CARNMT1: variants seen among roughly 807,000 people sequenced by gnomAD.
CARNMT1 encodes protein-L-histidine N-pros-methyltransferase CARNMT1.
Under a neutral mutation model 49.6 loss-of-function variants are expected in CARNMT1, and 28 were observed. The ratio of observed to expected loss-of-function variants is 0.56; its 90% confidence interval spans 0.42 to 0.77. CARNMT1 has a LOEUF of 0.77. Ranked by LOEUF, CARNMT1 falls within the 30% of genes least tolerant of loss-of-function variation. The pLI is 0.00. For missense variants in CARNMT1, 421 were observed against 512.6 expected (o/e 0.82, Z 1.73); for synonymous variants, 178 against 175.0 (o/e 1.02, Z -0.13).
chr9:75,014,739 C>T (rs918532413), intron 3 of CARNMT1, among the ~76,000 whole-genome samples: 17 of 151,998 alleles, frequency 1.1e-4, no homozygotes, highest in Admixed American at 9.2e-4. Context: ...CCCAGCTACT[C>T]GGGAGGCTGA....
chr9:75,024,262 G>T (rs1822458290), intron 1 of CARNMT1, among the ~76,000 whole-genome samples: 1 of 152,122 alleles, frequency 6.6e-6, no homozygotes, highest in Non-Finnish European at 1.5e-5. Context: ...CATTAAATTT[G>T]TGTTACTAGT....
intron 3 of CARNMT1, among the ~76,000 whole-genome samples, chr9:75,006,355 T>C (rs780339666): frequency 2.1e-5 from 3 of 142,610 alleles, no homozygotes; most frequent in Non-Finnish European, 4.5e-5. Flanking sequence ...GCTGGCCTAA[T>C]GCCCCTTTTC....
At chr9:74,984,118 G>A (rs112830265) in intron 7 of CARNMT1, among the ~76,000 whole-genome samples, 24 of 152,238 alleles carry the variant, frequency 1.6e-4, no homozygotes, top group African/African-American at 5.5e-4. Flanking sequence ...ATAATATGTT[G>A]CTTCTCGTCA....
intron 1 of CARNMT1, among the ~76,000 whole-genome samples, chr9:75,020,310 C>G (rs1822309280): frequency 7.2e-6 from 1 of 138,868 alleles, no homozygotes. Context: ...CTCTGTTGCC[C>G]AGGCTGGAAT....
intron 1 of CARNMT1, among the ~76,000 whole-genome samples, chr9:75,019,073 G>C (rs1406764579): frequency 6.6e-6 from 1 of 151,612 alleles, no homozygotes; most frequent in Non-Finnish European, 1.5e-5. Flanking sequence ...TTACAGTATA[G>C]TTATACAGTG....
intron 3 of CARNMT1, among the ~76,000 whole-genome samples, chr9:75,000,442 CATG>C (rs1833320950): frequency 6.6e-6 from 1 of 152,094 alleles, no homozygotes; most frequent in Admixed American, 6.6e-5. Flanking sequence ...ATTAAACATA[CATG>C]ATAACAAATA....
chr9:75,020,564 C>G lies in CARNMT1; in HGVS notation c.231-3116G>C, dbSNP rs147388790. Among the ~76,000 whole-genome samples, 466 of 152,242 alleles carry G rather than the reference C, an allele frequency of 3.1e-3. 2 individuals carry two copies. The highest frequency in any genetic ancestry group is 0.011 in the African/African-American group (441 of 41,548). On this transcript the variant is annotated intron_variant, in intron 1 of 7. Transcript: ENST00000376834. ...TATAGGCGTGAGCCACCGCACCCAGCCTTCATTTTCATTTTCAATTTCACT... is the reference window on the plus strand; with the variant it reads ...TATAGGCGTGAGCCACCGCACCCAGGCTTCATTTTCATTTTCAATTTCACT...
Position 74,981,329 on chromosome 9 carries a change from C to T in CARNMT1, c.*2438G>A, listed in dbSNP as rs1282656582. On this transcript the variant is annotated 3_prime_UTR_variant, in exon 8 of 8. Transcript: ENST00000376834. ...AAAACATAAGCACAGTGGACTATCT[C>T]CTCCCATTTCATAAAGTAAATGAAA... 1 of 152,108 alleles carries T rather than the reference C, an allele frequency of 6.6e-6. No homozygotes were observed. The highest frequency in any genetic ancestry group is 1.5e-5 in the Non-Finnish European group (1 of 67,990). The allele number at this position is 152,108 out of a possible 1,614,324, so 9.4% of individuals were successfully genotyped here.
At position 75,028,168 on chromosome 9, in the gene CARNMT1, C is replaced by T; in HGVS notation, c.74G>A (p.Ser25Asn). The change falls in exon 1 of 8, where the codon AGC (serine) becomes AAC (asparagine). Residue 25 changes from serine (S) to asparagine (N), a missense_variant. Physicochemically the swap from Ser to Asn is conservative, Grantham distance 46 (BLOSUM62 1). Transcript: ENST00000376834. ...PEGCGGGGGG[S>N]EEVEVQFSAG... Reference sequence around the variant, plus strand: ...GGAAAACTGCACTTCCACCTCCTCGCTGCCACCGCCTCCTCCCCCGCAGCC... The same window carrying T: ...GGAAAACTGCACTTCCACCTCCTCGTTGCCACCGCCTCCTCCCCCGCAGCC... The T allele has an allele frequency of 1.3e-6, 2 of 1,524,320 alleles. No individual in the cohort carries two copies. The highest frequency in any genetic ancestry group is 2.8e-5 in the East Asian group (1 of 35,946). The allele number at this position is 1,524,320 out of a possible 1,614,324, so 94.4% of individuals were successfully genotyped here.
intron 7 of CARNMT1, 122 bp downstream of exon 7, chr9:74,984,785 T>C (rs1028785893): frequency 1.5e-6 from 1 of 653,738 alleles, no homozygotes; most frequent in East Asian, 2.7e-5. Flanking sequence ...TCAACCTGTA[T>C]TATCTTCCCT....
chr9:75,021,741 G>A (rs1436675679), intron 1 of CARNMT1, among the ~76,000 whole-genome samples: 3 of 151,854 alleles, frequency 2.0e-5, no homozygotes, highest in Non-Finnish European at 4.4e-5. Context: ...AACCGGCCTG[G>A]GCAATATAGC....
At chr9:75,017,218 TAAAATAAACAGA>T in intron 2 of CARNMT1, 23 bp downstream of exon 2, 1 of 1,554,038 alleles carries the variant, frequency 6.4e-7, no homozygotes, top group Non-Finnish European at 8.9e-7. Context: ...AGGTTGACCC[TAAAATAAACAGA>T]AATAGAACAA....
chr9:75,016,693 T>C (rs1182065104), intron 2 of CARNMT1: 1 of 388,388 alleles, frequency 2.6e-6, no homozygotes, highest in Non-Finnish European at 4.6e-6. Context: ...AGGACCAAAC[T>C]GAGCTGCTAT....
At chr9:75,021,599 T>C (rs1295220427) in intron 1 of CARNMT1, among the ~76,000 whole-genome samples, 2 of 151,222 alleles carry the variant, frequency 1.3e-5, no homozygotes, top group Non-Finnish European at 3.0e-5. Flanking sequence ...TAATTCCTCT[T>C]CTAGAGGGAA....
At chr9:75,005,514 C>T (rs1466302747) in intron 3 of CARNMT1, among the ~76,000 whole-genome samples, 2 of 151,010 alleles carry the variant, frequency 1.3e-5, no homozygotes, top group African/African-American at 4.9e-5. Context: ...TCGCTGTCAC[C>T]CAGGCTGGAG....
intron 1 of CARNMT1, among the ~76,000 whole-genome samples, chr9:75,025,642 T>C (rs1811067145): frequency 6.6e-6 from 1 of 152,246 alleles, no homozygotes; most frequent in Non-Finnish European, 1.5e-5. Context: ...GCAAGTTTGC[T>C]AAGTTTTTCA....
intron 6 of CARNMT1, chr9:74,991,701 A>G: frequency 6.6e-6 from 1 of 152,262 alleles, no homozygotes. Context: ...TAGAGGAGTC[A>G]ACTGTTCAAT....
intron 3 of CARNMT1, among the ~76,000 whole-genome samples, chr9:75,003,139 T>G (rs1833410248): frequency 6.6e-6 from 1 of 152,210 alleles, no homozygotes; most frequent in African/African-American, 2.4e-5. Context: ...ACTCTTTATT[T>G]CAGCCAGACA....
intron 6 of CARNMT1, among the ~76,000 whole-genome samples, chr9:74,990,110 G>A (rs1832968284): frequency 6.6e-6 from 1 of 152,154 alleles, no homozygotes; most frequent in Admixed American, 6.5e-5. Context: ...ATATTTTAAT[G>A]CTAAACCTAT....
Sources: allele counts gnomAD v4.1 joint callset (sites outside exome capture counted in the v4.1 genomes callset), GRCh38; gene constraint gnomAD v4.1.1; transcripts MANE v1.5; gene names NCBI Gene and HGNC (gene_info 2026-07-23, HGNC 2026-07-21).